Variants in PTPRD observed in about 807,000 individuals in gnomAD.
The protein encoded by PTPRD is protein tyrosine phosphatase receptor type D.
Under a neutral mutation model 214.5 loss-of-function variants are expected in PTPRD, and 34 were observed. That is an observed-to-expected ratio of 0.16 (90% CI 0.12 to 0.21). The LOEUF (loss-of-function observed/expected upper bound fraction) is 0.21. Ranked by LOEUF, PTPRD falls within the 10% of genes least tolerant of loss-of-function variation. The pLI, the probability that PTPRD is intolerant of heterozygous loss-of-function variation, is 1.00. For synonymous variants in PTPRD, 1,128 were observed against 845.7 expected (o/e 1.33, Z -5.79); for missense variants, 2,545 against 2,398.7 (o/e 1.06, Z -1.27).
At position 8,518,020 on chromosome 9, in the gene PTPRD, C is replaced by T. The variant is rs2138495464; in HGVS notation, c.1371G>A (p.Met457Ile). 1 of 1,614,166 alleles carries T rather than the reference C, an allele frequency of 6.2e-7. No homozygotes were observed. Among genetic ancestry groups the T allele is most frequent in the Non-Finnish European group, 8.5e-7 (1 of 1,180,018 alleles). Residue 457 changes from methionine (M) to isoleucine (I), a missense_variant, in exon 21 of 46, where the codon ATG (methionine) becomes ATA (isoleucine). By Grantham distance (10) the Met-to-Ile change is conservative (BLOSUM62 1). Transcript: ENST00000381196. ...AGTTGTTGACATGTTGAGTGGGATC[C>T]ATTGTATAATAAACTCTATATCCTT... ...QIQGYRVYYT[M>I]DPTQHVNNWM... is the part of the protein sequence containing the mutation.
chr9:9,497,882 C>T (rs949640409), intron 8 of PTPRD, among the ~76,000 whole-genome samples: 1 of 152,130 alleles, frequency 6.6e-6, no homozygotes, highest in African/African-American at 2.4e-5. Flanking sequence ...CGATCTTCAG[C>T]CAGAATCTTC....
chr9:8,372,650 G>GACCT (rs1333866127), intron 39 of PTPRD, among the ~76,000 whole-genome samples: 1 of 151,958 alleles, frequency 6.6e-6, no homozygotes, highest in Admixed American at 6.6e-5. Context: ...GTTTGAACTA[G>GACCT]ACCTTCTTTC....
rs935040900 is a variant in PTPRD at position 10,155,399 on chromosome 9, A to G, written c.-544-121609T>C. 2.6e-4 allele frequency among the ~76,000 whole-genome samples: 40 copies of G among 151,962 alleles called. 1 individual carries two copies. Among genetic ancestry groups the G allele is most frequent in the Non-Finnish European group, 1.5e-5 (1 of 67,986 alleles). On this transcript the variant is annotated intron_variant, in intron 3 of 45. Coordinates refer to ENST00000381196, the MANE Select transcript of PTPRD (RefSeq NM_002839.4). Reference sequence around the variant, plus strand: ...TGGAGTCATGTTGTCTGCCAACAGGATAGTTTGACTTCCTCTCTTCCTATT... The same window carrying G: ...TGGAGTCATGTTGTCTGCCAACAGGGTAGTTTGACTTCCTCTCTTCCTATT...
chr9:9,579,078 C>G (rs975408817), intron 7 of PTPRD, among the ~76,000 whole-genome samples: 1 of 152,110 alleles, frequency 6.6e-6, no homozygotes, highest in Non-Finnish European at 1.5e-5. Flanking sequence ...CATTACATCT[C>G]TATATGATAG....
Position 8,926,388 on chromosome 9 carries a change from C to T in PTPRD, c.-104+92309G>A, listed in dbSNP as rs79504688. 5.2e-3 allele frequency among the ~76,000 whole-genome samples: 788 copies of T among 152,134 alleles called. 7 individuals are homozygous for T. Among genetic ancestry groups the T allele is most frequent in the African/African-American group, 0.018 (760 of 41,494 alleles). ...AATATAATAATATTTATTGGGTAAA[C>T]ACTAGGTCCTAGGCACTGTGATAGC... On this transcript the variant is annotated intron_variant, in intron 11 of 45. Transcript: ENST00000381196.
At chr9:9,174,551 G>A (rs1449652104) in intron 10 of PTPRD, among the ~76,000 whole-genome samples, 2 of 152,078 alleles carry the variant, frequency 1.3e-5, no homozygotes, top group Non-Finnish European at 2.9e-5. Flanking sequence ...GAAGATAGTA[G>A]ATATACATAA....
chr9:8,717,033 T>A (rs938265461), intron 12 of PTPRD, among the ~76,000 whole-genome samples: 2 of 152,148 alleles, frequency 1.3e-5, no homozygotes, highest in Non-Finnish European at 2.9e-5. Context: ...CCAGGCATGG[T>A]GGCATGTGCC....
chr9:9,524,771 G>T (rs912890562), intron 8 of PTPRD, among the ~76,000 whole-genome samples: 2 of 152,124 alleles, frequency 1.3e-5, no homozygotes, highest in Admixed American at 1.3e-4. Context: ...TTTTATGCAG[G>T]CTGTGCATAG....
intron 12 of PTPRD, among the ~76,000 whole-genome samples, chr9:8,637,240 G>C (rs553387205): frequency 6.6e-6 from 1 of 152,274 alleles, no homozygotes; most frequent in East Asian, 1.9e-4. Flanking sequence ...TCAGGACACT[G>C]CCAGAAAGCA....
At chr9:9,773,962 T>C (rs993972298) in intron 5 of PTPRD, among the ~76,000 whole-genome samples, 8 of 152,222 alleles carry the variant, frequency 5.3e-5, no homozygotes, top group Admixed American at 2.0e-4. Context: ...ACAGGCAATG[T>C]CAATGTTTTA....
At chr9:9,172,814 G>T (rs2131029474) in intron 10 of PTPRD, among the ~76,000 whole-genome samples, 1 of 152,188 alleles carries the variant, frequency 6.6e-6, no homozygotes, top group East Asian at 1.9e-4. Flanking sequence ...GTACTTGCCT[G>T]CATTATTCCA....
intron 7 of PTPRD, among the ~76,000 whole-genome samples, chr9:9,623,937 G>C (rs1221562647): frequency 6.6e-6 from 1 of 152,114 alleles, no homozygotes; most frequent in African/African-American, 2.4e-5. Context: ...ACATGTCAGT[G>C]AAAGTTCAAA....
chr9:8,989,094 A>G (rs2099356465), intron 11 of PTPRD, among the ~76,000 whole-genome samples: 1 of 152,008 alleles, frequency 6.6e-6, no homozygotes, highest in African/African-American at 2.4e-5. Context: ...TTATTGCTAT[A>G]TGATAGTTGT....
At position 9,162,552 on chromosome 9, in the gene PTPRD, C is replaced by T. The variant is rs553655368; in HGVS notation, c.-143+20752G>A. On this transcript the variant is annotated intron_variant, in intron 10 of 45. Transcript: ENST00000381196. ...CTACCATGTATCTGCAGTCTGAAAT[C>T]CTTCCCCGCTGGATTCCTTAGAAAT... 2.6e-5 allele frequency among the ~76,000 whole-genome samples: 4 copies of T among 152,192 alleles called. No individual in the cohort carries two copies. The South Asian group carries it at 8.3e-4, about 32-fold the overall frequency.
rs181661874 is a variant in PTPRD at position 8,559,072 on chromosome 9, C to T, written c.353-30293G>A. ...TTTACTTGTTTCTATCTCTTTTATG[C>T]CAAATTGTTTTTATTCTGACTGAGA... On this transcript the variant is annotated intron_variant, in intron 14 of 45. Coordinates refer to ENST00000381196, the MANE Select transcript of PTPRD (RefSeq NM_002839.4). Among the ~76,000 whole-genome samples the T allele has an allele frequency of 3.9e-5, 6 of 152,132 alleles. No homozygotes were observed. In the South Asian group the frequency reaches 1.0e-3, roughly 26 times the overall value.
At chr9:10,242,944 A>G (rs1227345808) in intron 3 of PTPRD, among the ~76,000 whole-genome samples, 2 of 151,584 alleles carry the variant, frequency 1.3e-5, no homozygotes, top group Non-Finnish European at 3.0e-5. Flanking sequence ...AGGGAGGGAG[A>G]GAGAGAGAGA....
chr9:9,044,991 A>G (rs1303719811), intron 10 of PTPRD, among the ~76,000 whole-genome samples: 1 of 152,210 alleles, frequency 6.6e-6, no homozygotes, highest in East Asian at 1.9e-4. Context: ...AACAGAAACA[A>G]GAAACAAATG....
rs569171723 is a variant in PTPRD at position 10,344,159 on chromosome 9, T to A, written c.-599-3142A>T. Among the ~76,000 whole-genome samples, 5 of 151,940 alleles carry A rather than the reference T, an allele frequency of 3.3e-5. No homozygotes were observed. In the East Asian group the frequency reaches 9.7e-4, roughly 29 times the overall value. On this transcript the variant is annotated intron_variant, in intron 2 of 45. Transcript: ENST00000381196. ...TTTTCTTCTAGGGTTTTTATGGTTT[T>A]AGGTCTTACATTTAAGTCTTTAATC...
chr9:10,084,706 C>A (rs1402134627), intron 3 of PTPRD, among the ~76,000 whole-genome samples: 2 of 151,922 alleles, frequency 1.3e-5, no homozygotes, highest in African/African-American at 4.8e-5. Context: ...CTTCGCAACT[C>A]TGCCTTGTGG....
Sources: allele counts gnomAD v4.1 joint callset (sites outside exome capture counted in the v4.1 genomes callset), GRCh38; gene constraint gnomAD v4.1.1; transcripts MANE v1.5; gene names NCBI Gene and HGNC (gene_info 2026-07-23, HGNC 2026-07-21).